The following UBA5 variants were observed in gnomAD, a reference collection of about 807,000 sequenced individuals.
UBA5 encodes the protein ubiquitin like modifier activating enzyme 5, also known as ubiquitin-like modifier-activating enzyme 5.
Under a neutral mutation model 52.9 loss-of-function variants are expected in UBA5, and 28 were observed. The observed-to-expected ratio is 0.53, with a 90% CI of 0.39 to 0.73. The LOEUF (loss-of-function observed/expected upper bound fraction) is 0.73, where lower values mean the gene tolerates loss of function less well. Ranked by LOEUF, UBA5 falls within the 30% of genes least tolerant of loss-of-function variation. The probability of loss-of-function intolerance (pLI) is 0.00; values close to 1 mark genes in which losing one functional copy is unlikely to be tolerated. For missense variants in UBA5, 388 were observed against 492.7 expected, an observed-to-expected ratio of 0.79 and a Z score of 2.01; for synonymous variants, 135 against 162.1, an observed-to-expected ratio of 0.83 and a Z score of 1.27.
At chr3:132,675,158 C>A in intron 8 of UBA5, 90 bp from the exon 9 acceptor site, 1 of 886,254 alleles carries the variant, frequency 1.1e-6, no homozygotes, top group Non-Finnish European at 1.7e-6. Context: ...ATATAATTAC[C>A]TATTTCAACG....
chr3:132,659,942 A>C (rs1938049827), upstream of UBA5: 1 of 600,584 alleles, frequency 1.7e-6, no homozygotes, highest in African/African-American at 1.9e-5. Flanking sequence ...TTTTAGCTCT[A>C]GTCAAGTGCC....
At chr3:132,663,672 A>C (rs1386336346) in intron 1 of UBA5, among the ~76,000 whole-genome samples, 3 of 152,200 alleles carry the variant, frequency 2.0e-5, no homozygotes, top group Non-Finnish European at 4.4e-5. Flanking sequence ...AGTGAAGTCC[A>C]AAGTCAAACA....
intron 1 of UBA5, chr3:132,661,077 T>C (rs1444177628): frequency 7.6e-7 from 1 of 1,308,498 alleles, no homozygotes; most frequent in African/African-American, 1.5e-5. Flanking sequence ...TAAAGGCTTA[T>C]CAATGCATCT....
chr3:132,660,768 C>T lies in UBA5; in HGVS notation c.161+70C>T. On this transcript the variant is annotated intron_variant, in intron 1 of 11. Coordinates refer to ENST00000356232, the MANE Select transcript of UBA5 (RefSeq NM_024818.6). The surrounding 1 kb of genome is among the most constrained non-coding windows in gnomAD (Gnocchi z 4.1). ...AGGCTCCGTGAGGTCAGAAGTGAGG[C>T]GCTTCCCACGTCCCGCTCATGGGGA... 1 of 1,456,368 alleles carries T rather than the reference C, an allele frequency of 6.9e-7. No individual in the cohort carries two copies. Among genetic ancestry groups the T allele is most frequent in the Non-Finnish European group, 9.1e-7 (1 of 1,101,104 alleles). The allele number at this position is 1,456,368 out of a possible 1,614,324, so 90.2% of individuals were successfully genotyped here. A position where few individuals can be genotyped will look rare whatever the true frequency, so the allele number is the denominator to read the frequency against.
chr3:132,659,911 CT>C (rs1169055900), upstream of UBA5: 1 of 810,042 alleles, frequency 1.2e-6, no homozygotes, highest in East Asian at 3.2e-5. Flanking sequence ...CTGAGCAACG[CT>C]TGCCCGCTGA....
At chr3:132,654,851 T>C (rs1476044033) in intron 1 of UBA5, among the ~76,000 whole-genome samples, 1 of 152,216 alleles carries the variant, frequency 6.6e-6, no homozygotes, top group African/African-American at 2.4e-5. Context: ...TTGGCACTGA[T>C]TCGTTGTGAA....
chr3:132,664,036 C>T (rs947078771), intron 1 of UBA5, among the ~76,000 whole-genome samples: 2 of 152,068 alleles, frequency 1.3e-5, no homozygotes, highest in African/African-American at 2.4e-5. Flanking sequence ...AGATAAAGGA[C>T]AAATCCAGAT....
chr3:132,660,129 G>GA (rs1938063488), upstream of UBA5: 1 of 341,332 alleles, frequency 2.9e-6, no homozygotes, highest in Non-Finnish European at 5.3e-6. The surrounding 1 kb of genome is among the most constrained non-coding windows in gnomAD (Gnocchi z 4.1). Context: ...GTCCCGTTCA[G>GA]AAAAAGGGCC....
rs1339573463 is a variant in UBA5, at chr3:132,675,502, T to G, written c.949-103T>G. ...CACCATACTTCAAAAATGAATGTTC[T>G]TTCTTGCTTTTGGTAAGATAAAAAG... On this transcript the variant is annotated intron_variant, in intron 9 of 11. Transcript: ENST00000356232. 5.3e-6 allele frequency: 8 copies of G among 1,514,590 alleles called. No individual in the cohort carries two copies. The East Asian group carries it at 1.6e-4, about 30-fold the overall frequency. 93.8% of individuals were successfully genotyped at this position (1,514,590 alleles called of 1,614,324 possible). A position where few individuals can be genotyped will look rare whatever the true frequency, so the allele number is the denominator to read the frequency against.
intron 1 of UBA5, among the ~76,000 whole-genome samples, chr3:132,662,211 A>C (rs1268799052): frequency 6.6e-6 from 1 of 152,232 alleles, no homozygotes; most frequent in African/African-American, 2.4e-5. Context: ...ATTGCTATAC[A>C]GGAGATGGCA....
chr3:132,660,393 TG>T lies in UBA5; in HGVS notation c.-142del. The stretch of plus-strand genomic sequence containing the variant: ...GGAGACGTGTCTGTCTGTGAGGCGC[TG>T]GGTGCACGTCCCCAGGGCTCTGGGC... On this transcript the variant is annotated 5_prime_UTR_variant, in exon 1 of 12. Transcript: ENST00000356232. The surrounding 1 kb of genome is among the most constrained non-coding windows in gnomAD (Gnocchi z 4.1). The T allele has an allele frequency of 1.9e-6, 2 of 1,042,098 alleles. No individual in the cohort carries two copies. The highest frequency in any genetic ancestry group is 2.7e-6 in the Non-Finnish European group (2 of 733,792). 64.6% of individuals were successfully genotyped at this position (1,042,098 alleles called of 1,614,324 possible).
rs1480010283 is a variant in UBA5, at chr3:132,679,171, G to C, written c.*2645G>C. ...TAATCCCAGCTACTTAGGAGGCTGA[G>C]GCAGGAGAATCGCTTGAACCTGGGA... On this transcript the variant is annotated 3_prime_UTR_variant, in exon 12 of 12. Transcript: ENST00000356232. Among the ~76,000 whole-genome samples, 1 of 151,938 alleles carries C rather than the reference G, an allele frequency of 6.6e-6. No individual in the cohort carries two copies. Among genetic ancestry groups the C allele is most frequent in the Non-Finnish European group, 1.5e-5 (1 of 67,988 alleles).
upstream of UBA5, among the ~76,000 whole-genome samples, chr3:132,656,353 A>T (rs1937799944): frequency 6.6e-6 from 1 of 152,164 alleles, no homozygotes; most frequent in Non-Finnish European, 1.5e-5. Context: ...TATGAGTAGA[A>T]CTGCTAGGTC....
At chr3:132,674,560 T>C (rs1938750041) in intron 8 of UBA5, among the ~76,000 whole-genome samples, 1 of 151,480 alleles carries the variant, frequency 6.6e-6, no homozygotes, top group Non-Finnish European at 1.5e-5. Flanking sequence ...AGCGTGGTGG[T>C]GCTTGCCTGT....
intron 6 of UBA5, among the ~76,000 whole-genome samples, chr3:132,671,396 T>G (rs1938594214): frequency 6.6e-6 from 1 of 152,148 alleles, no homozygotes; most frequent in Admixed American, 6.5e-5. Flanking sequence ...TATGTATAAA[T>G]TGCCTGAAAA....
intron 8 of UBA5, among the ~76,000 whole-genome samples, chr3:132,673,214 A>G (rs1212185387): frequency 6.6e-6 from 1 of 152,214 alleles, no homozygotes; most frequent in East Asian, 1.9e-4. Context: ...CTAACAAAGT[A>G]TTCCCTTAAG....
intron 11 of UBA5, 57 bp downstream of exon 11, chr3:132,675,980 T>C: frequency 8.8e-7 from 1 of 1,140,468 alleles, no homozygotes; most frequent in South Asian, 1.5e-5. Context: ...ATTTATCATC[T>C]TCATTCTAAT....
intron 8 of UBA5, among the ~76,000 whole-genome samples, chr3:132,672,522 T>C (rs1938648331): frequency 6.6e-6 from 1 of 152,206 alleles, no homozygotes; most frequent in African/African-American, 2.4e-5. Flanking sequence ...ATTAACTGAA[T>C]GATTTAAATC....
intron 1 of UBA5, among the ~76,000 whole-genome samples, chr3:132,665,159 C>T (rs1938322438): frequency 6.6e-6 from 1 of 151,954 alleles, no homozygotes; most frequent in Non-Finnish European, 1.5e-5. Context: ...TTGACTAAAA[C>T]TGAAAAGAAA....
Sources: allele counts gnomAD v4.1 joint callset (sites outside exome capture counted in the v4.1 genomes callset), GRCh38; gene constraint gnomAD v4.1.1; non-coding constraint Gnocchi (gnomAD v3.1); transcripts MANE v1.5; gene names NCBI Gene and HGNC (gene_info 2026-07-23, HGNC 2026-07-21).